TEX2: variants seen among roughly 807,000 people sequenced by gnomAD.
TEX2 encodes the protein testis-expressed protein 2.
A neutral mutation model predicts 106.9 loss-of-function variants in TEX2; 53 were observed. That is an observed-to-expected ratio of 0.50 (90% CI 0.40 to 0.62). The LOEUF (loss-of-function observed/expected upper bound fraction) is 0.62, where lower values mean the gene tolerates loss of function less well. Among genes scored for constraint, TEX2 ranks in the 20% least tolerant of loss-of-function variants. TEX2 has a pLI of 0.00. For missense variants in TEX2, 1,207 were observed against 1,379.0 expected, an observed-to-expected ratio of 0.88 and a Z score of 1.98; for synonymous variants, 523 against 534.8, an observed-to-expected ratio of 0.98 and a Z score of 0.30.
At chr17:64,220,304 T>G (rs1555633139) in intron 1 of TEX2, among the ~76,000 whole-genome samples, 1 of 152,176 alleles carries the variant, frequency 6.6e-6, no homozygotes, top group Non-Finnish European at 1.5e-5. Flanking sequence ...AGACAAAGAT[T>G]TCATGATGAA....
chr17:64,203,145 T>C (rs1439129778), intron 2 of TEX2, among the ~76,000 whole-genome samples: 2 of 152,374 alleles, frequency 1.3e-5, no homozygotes, highest in Middle Eastern at 3.4e-3. Context: ...CAATGCTCTA[T>C]TGCTCAGCTT....
intron 7 of TEX2, among the ~76,000 whole-genome samples, chr17:64,168,242 A>C (rs985145467): frequency 2.0e-5 from 3 of 152,094 alleles, no homozygotes; most frequent in Non-Finnish European, 4.4e-5. Context: ...ATGCTTATTT[A>C]TTTCTTTCAC....
chr17:64,237,334 T>G (rs555146825), intron 1 of TEX2, among the ~76,000 whole-genome samples: 20 of 152,136 alleles, frequency 1.3e-4, no homozygotes, highest in Non-Finnish European at 2.5e-4. Flanking sequence ...GGCTGGGTCA[T>G]GCAGTGCCTT....
At position 64,147,746 on chromosome 17, in the gene TEX2, ATTAAT is replaced by A. The variant is rs1433261067; in HGVS notation, c.*1218_*1222del. ...AAGGGTTCAAACATGTTTTCAATAT[ATTAAT>A]TTCTTTAAAGTCATGTTCAGGCAAG... On this transcript the variant is annotated 3_prime_UTR_variant, in exon 12 of 12. Transcript: ENST00000584379. 2.0e-5 allele frequency: 3 copies of A among 152,662 alleles called. No individual in the cohort carries two copies. The highest frequency in any genetic ancestry group is 7.2e-5 in the African/African-American group (3 of 41,454). 9.5% of individuals were successfully genotyped at this position (152,662 alleles called of 1,614,324 possible).
chr17:64,247,644 C>T (rs1052112481), intron 1 of TEX2, among the ~76,000 whole-genome samples: 6 of 152,206 alleles, frequency 3.9e-5, no homozygotes, highest in African/African-American at 1.4e-4. Flanking sequence ...GTTGTCTGTG[C>T]TCCAGGTTCT....
rs1173746069 is a variant in TEX2 at position 64,214,297 on chromosome 17, GCT to G, written c.-25-57_-25-56del. ...AGAGAGCAGTTTCTCCACAGGAGACGCTGTCATTCGCAGATAGGAGCACAGAT... is the reference window on the plus strand; with the variant it reads ...AGAGAGCAGTTTCTCCACAGGAGACGGTCATTCGCAGATAGGAGCACAGAT... On this transcript the variant is annotated intron_variant, in intron 1 of 11. Coordinates refer to ENST00000584379, the MANE Select transcript of TEX2 (RefSeq NM_001288732.2). The G allele has an allele frequency of 2.1e-6, 3 of 1,414,462 alleles. No homozygotes were observed. In the African/African-American group the frequency reaches 4.3e-5, roughly 20 times the overall value. 87.6% of individuals were successfully genotyped at this position (1,414,462 alleles called of 1,614,324 possible).
At chr17:64,168,605 G>C (rs2143712460) in intron 7 of TEX2, among the ~76,000 whole-genome samples, 1 of 152,320 alleles carries the variant, frequency 6.6e-6, no homozygotes. Context: ...ACAGGGGCCT[G>C]GTTGTGGCCC....
intron 8 of TEX2, among the ~76,000 whole-genome samples, chr17:64,159,526 C>T (rs2030787664): frequency 6.6e-6 from 1 of 152,174 alleles, no homozygotes; most frequent in Non-Finnish European, 1.5e-5. Context: ...AGCCTCTTAA[C>T]TACTCCTGGT....
chr17:64,252,058 A>G (rs1555637064), intron 1 of TEX2, among the ~76,000 whole-genome samples: 1 of 152,100 alleles, frequency 6.6e-6, no homozygotes, highest in African/African-American at 2.4e-5. Context: ...CTCAAAATGG[A>G]GCCTCATGTC....
chr17:64,179,435 T>C (rs9889683), intron 5 of TEX2, among the ~76,000 whole-genome samples: 108,275 of 152,042 alleles, frequency 0.71, 38,657 homozygotes, highest in East Asian at 0.83. Flanking sequence ...AGCGGCAACC[T>C]GCTTGGGTGC....
intron 1 of TEX2, among the ~76,000 whole-genome samples, chr17:64,222,669 C>T (rs2033393097): frequency 6.6e-6 from 1 of 152,018 alleles, no homozygotes; most frequent in South Asian, 2.1e-4. Context: ...TTTCACTCTT[C>T]AAAACTACAA....
intron 1 of TEX2, among the ~76,000 whole-genome samples, chr17:64,261,384 T>G (rs180791624): frequency 3.6e-4 from 55 of 152,262 alleles, no homozygotes; most frequent in Non-Finnish European, 3.8e-4. Context: ...CTTTCCTGCT[T>G]CTTCTCCAGA....
At chr17:64,168,599 G>A (rs964507005) in intron 7 of TEX2, among the ~76,000 whole-genome samples, 4 of 152,134 alleles carry the variant, frequency 2.6e-5, no homozygotes, top group Non-Finnish European at 5.9e-5. Context: ...AAAGCCACAG[G>A]GGCCTGGTTG....
chr17:64,167,127 G>T (rs1181606583), intron 7 of TEX2, among the ~76,000 whole-genome samples: 1 of 152,150 alleles, frequency 6.6e-6, no homozygotes, highest in Non-Finnish European at 1.5e-5. Flanking sequence ...GGAAAAGGTG[G>T]TCATTTAACC....
At chr17:64,171,020 C>T in intron 7 of TEX2, 80 bp downstream of exon 7, 1 of 1,174,982 alleles carries the variant, frequency 8.5e-7, no homozygotes, top group Non-Finnish European at 1.3e-6. Flanking sequence ...CAACACCCTC[C>T]AAACACAAAG....
intron 1 of TEX2, among the ~76,000 whole-genome samples, chr17:64,249,415 T>C (rs921989657): frequency 6.6e-6 from 1 of 152,120 alleles, no homozygotes; most frequent in African/African-American, 2.4e-5. Flanking sequence ...CTGTGACAGA[T>C]CCCACAAAAT....
intron 1 of TEX2, among the ~76,000 whole-genome samples, chr17:64,230,423 T>G (rs554129524): frequency 1.3e-5 from 2 of 152,350 alleles, no homozygotes; most frequent in African/African-American, 4.8e-5. Context: ...GGTCCTGACC[T>G]GGCCGGCTGG....
chr17:64,188,213 C>T lies in TEX2; in HGVS notation c.2379G>A (p.Arg793=), dbSNP rs1413323501. 4 of 1,612,640 alleles carry T rather than the reference C, an allele frequency of 2.5e-6. No individual in the cohort carries two copies. Among genetic ancestry groups the T allele is most frequent in the Non-Finnish European group, 3.4e-6 (4 of 1,180,048 alleles). ...CVPQESRSPQ[R]SPLQSAESSP... is the part of the protein sequence containing the mutation. ...TGCTCTCCGCACTCTGCAGGGGGCT[C>T]CTCTGGGGGCTTCGGCTTTCCTGGG... The change falls in exon 5 of 12, where the codon AGG becomes AGA. Residue 793 remains arginine (R), a synonymous_variant. Transcript: ENST00000584379.
chr17:64,180,256 C>G (rs889029299), intron 5 of TEX2, among the ~76,000 whole-genome samples: 2 of 152,226 alleles, frequency 1.3e-5, no homozygotes, highest in African/African-American at 4.8e-5. Flanking sequence ...GAGGGAGCAT[C>G]TACCCTTTAT....
Sources: allele counts gnomAD v4.1 joint callset (sites outside exome capture counted in the v4.1 genomes callset), GRCh38; gene constraint gnomAD v4.1.1; transcripts MANE v1.5; gene names NCBI Gene and HGNC (gene_info 2026-07-23, HGNC 2026-07-21).